The following STAR variants were observed in gnomAD, a reference collection of about 807,000 sequenced individuals.
STAR encodes steroidogenic acute regulatory protein, mitochondrial.
In STAR, 32 loss-of-function variants were observed where a neutral mutation model predicts 32.3. The ratio of observed to expected loss-of-function variants is 0.99; its 90% CI spans 0.75 to 1.33. STAR has a LOEUF of 1.33. Among genes scored for constraint, STAR ranks in the 40% most tolerant of loss-of-function variants. STAR has a pLI of 0.00. For missense variants in STAR, 375 were observed against 379.0 expected (o/e 0.99, Z 0.09); for synonymous variants, 134 against 140.5 (o/e 0.95, Z 0.33).
Position 38,148,232 on chromosome 8 carries a change from T to A in STAR, c.274A>T (p.Asn92Tyr), listed in dbSNP as rs1400754485. 1 of 1,614,056 alleles carries A rather than the reference T, an allele frequency of 6.2e-7. No individual in the cohort carries two copies. Among genetic ancestry groups the A allele is most frequent in the African/African-American group, 1.3e-5 (1 of 75,036 alleles). Residue 92 changes from asparagine (N) to tyrosine (Y), a missense_variant, in exon 3 of 7, where the codon AAC becomes TAC. By Grantham distance (143) the Asn-to-Tyr change is moderately radical. Transcript: ENST00000276449. ...CTCTCCTTCTTCCAGCCCTCTTGGT[T>A]GCTAAGGATGCCCAAGGCCTTCTGC... ...AMQKALGILS[N>Y]QEGWKKESQQ...
At chr8:38,150,691 T>C (rs1802651358) in intron 1 of STAR, 64 bp downstream of exon 1, 3 of 1,600,900 alleles carry the variant, frequency 1.9e-6, no homozygotes, top group African/African-American at 1.3e-5. Context: ...CAGAATTGGG[T>C]GGCCTGAGCC....
chr8:38,144,683 T>C, intron 6 of STAR: 10 of 1,204,772 alleles, frequency 8.3e-6, no homozygotes, highest in Non-Finnish European at 1.1e-5. Flanking sequence ...TTTCCTTCTT[T>C]CTAAAATGAT....
chr8:38,144,305 C>G lies in STAR; in HGVS notation c.826G>C (p.Glu276Gln). The G allele has an allele frequency of 6.2e-7, 1 of 1,610,096 alleles. No homozygotes were observed. Among genetic ancestry groups the G allele is most frequent in the South Asian group, 1.1e-5 (1 of 90,098 alleles). Reference sequence around the variant, plus strand: ...CTGGCTTCAGAGGCAGGGTGGGACTCCAGGCGCTTGCGCAGGTGGTTGGCA... The same window carrying G: ...CTGGCTTCAGAGGCAGGGTGGGACTGCAGGCGCTTGCGCAGGTGGTTGGCA... ...DFANHLRKRLESHPASEARC is the reference protein window; with the variant it reads ...DFANHLRKRLQSHPASEARC The change falls in exon 7 of 7, where the codon GAG becomes CAG. Residue 276 changes from glutamate to glutamine, a missense_variant. Glu to Gln is a conservative substitution (Grantham distance 29). Coordinates refer to ENST00000276449, the MANE Select transcript of STAR (RefSeq NM_000349.3).
At chr8:38,145,728 T>G in intron 5 of STAR, 1 of 611,082 alleles carries the variant, frequency 1.6e-6, no homozygotes, top group East Asian at 2.8e-5. Context: ...CTTCAGAAAA[T>G]TATTAAGGTT....
At chr8:38,148,383 C>T (rs1802612445) in intron 2 of STAR, 56 bp from the exon 3 acceptor site, 1 of 1,608,966 alleles carries the variant, frequency 6.2e-7, no homozygotes, top group South Asian at 1.1e-5. Context: ...CCTCCACCAG[C>T]TCTCATCCCT....
rs1802542372 is a variant in STAR, at chr8:38,145,071, A to C, written c.744+151T>G. ...CAGGCTTTGGAGATGGTAGAGTAGC[A>C]GTTAGGCCATCACTCCAGACCCTTC... On this transcript the variant is annotated intron_variant, in intron 6 of 6. Coordinates refer to ENST00000276449, the MANE Select transcript of STAR (RefSeq NM_000349.3). 4.7e-5 allele frequency: 71 copies of C among 1,507,368 alleles called. No individual in the cohort carries two copies. The South Asian group carries it at 8.5e-4, about 18-fold the overall frequency. The allele number at this position is 1,507,368 out of a possible 1,614,324, so 93.4% of individuals were successfully genotyped here.
Position 38,148,221 on chromosome 8 carries a change from G to C in STAR, c.285C>G (p.Gly95=). ...KALGILSNQE[G]WKKESQQDNG... Reference sequence around the variant, plus strand: ...TTACCTGCTGACTCTCCTTCTTCCAGCCCTCTTGGTTGCTAAGGATGCCCA... The same window carrying C: ...TTACCTGCTGACTCTCCTTCTTCCACCCCTCTTGGTTGCTAAGGATGCCCA... Residue 95 remains glycine (G), a synonymous_variant, in exon 3 of 7, where the codon GGC becomes GGG. Transcript: ENST00000276449. 1 of 1,614,026 alleles carries C rather than the reference G, an allele frequency of 6.2e-7. No homozygotes were observed. Among genetic ancestry groups the C allele is most frequent in the Non-Finnish European group, 8.5e-7 (1 of 1,179,974 alleles).
rs752003576 is a variant in STAR at position 38,148,429 on chromosome 8, G to C, written c.179-102C>G. The C allele has an allele frequency of 2.6e-6, 4 of 1,561,786 alleles. No individual in the cohort carries two copies. The African/African-American group carries it at 4.1e-5, about 16-fold the overall frequency. On this transcript the variant is annotated intron_variant, in intron 2 of 6. Transcript: ENST00000276449. Reference sequence around the variant, plus strand: ...GTCTGCTCATTGCTCTGAAGAGCCCGGACTAAAGCCATAGGGGCCAGCCTG... The same window carrying C: ...GTCTGCTCATTGCTCTGAAGAGCCCCGACTAAAGCCATAGGGGCCAGCCTG...
intron 6 of STAR, 47 bp downstream of exon 6, chr8:38,145,175 T>G: frequency 1.9e-6 from 3 of 1,613,538 alleles, no homozygotes; most frequent in Non-Finnish European, 2.5e-6. Flanking sequence ...AGAGCCTGTT[T>G]TTCTCACTAC....
rs2070348 is a variant in STAR at position 38,148,460 on chromosome 8, C to G, written c.179-133G>C. ...AAGCCATAGGGGCCAGCCTGCTGGT[C>G]GAGTTAATCACAGCCGCCCCAGGTG... On this transcript the variant is annotated intron_variant, in intron 2 of 6. Coordinates refer to ENST00000276449, the MANE Select transcript of STAR (RefSeq NM_000349.3). The G allele has an allele frequency of 3.5e-3, 5,133 of 1,486,428 alleles. 174 individuals are homozygous for G. The East Asian group carries it at 0.078, about 23-fold the overall frequency. 92.1% of individuals were successfully genotyped at this position (1,486,428 alleles called of 1,614,324 possible). A position where few individuals can be genotyped will look rare whatever the true frequency, so the allele number is the denominator to read the frequency against.
intron 6 of STAR, chr8:38,144,914 CG>C: frequency 3.3e-6 from 3 of 919,534 alleles, no homozygotes; most frequent in Non-Finnish European, 4.4e-6. Flanking sequence ...GAGGCTGAGG[CG>C]GAAGAATCAC....
In STAR at chr8:38,146,021, C is replaced by G; in HGVS notation, c.592G>C (p.Val198Leu). 2 of 1,614,228 alleles carry G rather than the reference C, an allele frequency of 1.2e-6. No individual in the cohort carries two copies. Among genetic ancestry groups the G allele is most frequent in the Non-Finnish European group, 1.7e-6 (2 of 1,180,048 alleles). ...RCAKRRGSTC[V>L]LAGMATDFGN... is the part of the protein sequence containing the mutation. Reference sequence around the variant, plus strand: ...AAGTCTGTGGCCATGCCAGCCAGCACACAGGTGGAGCCTCGGCGCTTGGCA... The same window carrying G: ...AAGTCTGTGGCCATGCCAGCCAGCAGACAGGTGGAGCCTCGGCGCTTGGCA... Residue 198 changes from valine to leucine, a missense_variant, in exon 5 of 7, where the codon GTG becomes CTG. Physicochemically the swap from Val to Leu is conservative, Grantham distance 32. Coordinates refer to ENST00000276449, the MANE Select transcript of STAR (RefSeq NM_000349.3).
At chr8:38,150,453 GAAGAAAGGAAGA>G in intron 1 of STAR, among the ~76,000 whole-genome samples, 1 of 149,084 alleles carries the variant, frequency 6.7e-6, no homozygotes, top group African/African-American at 2.5e-5. Flanking sequence ...AAAGGGGAAG[GAAGAAAGGAAGA>G]AAGAAAGGAA....
chr8:38,148,932 C>T, intron 1 of STAR, 178 bp from the exon 2 acceptor site: 1 of 620,248 alleles, frequency 1.6e-6, no homozygotes, highest in Non-Finnish European at 2.9e-6. Context: ...ACTCCCATGG[C>T]AGTGCTCCAG....
At position 38,144,606 on chromosome 8, in the gene STAR, G is replaced by A. The variant is rs1374978528; in HGVS notation, c.745-220C>T. ...GGCCAACAAGATGTTTCAGCCTGGT[G>A]TTCCCAGCTGTGTGACCCTGAACCA... is the stretch of plus-strand genomic sequence containing the variant. On this transcript the variant is annotated intron_variant, in intron 6 of 6. Transcript: ENST00000276449. The A allele has an allele frequency of 3.6e-6, 5 of 1,383,560 alleles. No individual in the cohort carries two copies. In the African/African-American group the frequency reaches 7.3e-5, roughly 20 times the overall value. The allele number at this position is 1,383,560 out of a possible 1,614,324, so 85.7% of individuals were successfully genotyped here. A position where few individuals can be genotyped will look rare whatever the true frequency, so the allele number is the denominator to read the frequency against.
chr8:38,145,009 G>GAAAA (rs140343934), intron 6 of STAR: 3 of 1,152,128 alleles, frequency 2.6e-6, no homozygotes, highest in African/African-American at 2.0e-5. Context: ...ACTGAGTCTC[G>GAAAA]AAAAAAAAAA....
chr8:38,145,012 A>G (rs74490271), intron 6 of STAR: 84 of 52,690 alleles, frequency 1.6e-3, no homozygotes, highest in Admixed American at 4.2e-3. Flanking sequence ...GAGTCTCGAA[A>G]AAAAAAAAAA....
intron 2 of STAR, 45 bp downstream of exon 2, chr8:38,148,596 A>C (rs1475889080): frequency 6.4e-7 from 1 of 1,561,648 alleles, no homozygotes; most frequent in African/African-American, 1.4e-5. Flanking sequence ...CCTCCAGGGA[A>C]CCTCCTGCCA....
intron 1 of STAR, among the ~76,000 whole-genome samples, chr8:38,149,794 G>A (rs746853524): frequency 3.3e-5 from 5 of 152,158 alleles, no homozygotes; most frequent in Non-Finnish European, 7.3e-5. Context: ...AGCCAAGATA[G>A]CGCCAGTGCA....
Sources: gnomAD v4.1 joint callset for allele counts (sites outside exome capture counted in the v4.1 genomes callset) on GRCh38, gnomAD v4.1.1 for gene constraint, MANE v1.5 for transcripts, NCBI Gene and HGNC (gene_info 2026-07-23, HGNC 2026-07-21) for gene names.